OTOA: variants seen among roughly 807,000 people sequenced by gnomAD.
The protein encoded by OTOA is otoancorin, also known as cancer/testis antigen 108.
OTOA carries 70 observed loss-of-function variants against 110.8 expected under a neutral mutation model. The observed-to-expected ratio is 0.63, with a 90% confidence interval of 0.52 to 0.77. OTOA has a LOEUF of 0.77. OTOA is among the 30% of genes least tolerant of loss of function. OTOA has a pLI of 0.00. For synonymous variants in OTOA, 373 were observed against 431.5 expected, an observed-to-expected ratio of 0.86 and a Z score of 1.68; for missense variants, 917 against 1,075.8, an observed-to-expected ratio of 0.85 and a Z score of 2.06.
At chr16:21,681,701 G>A in intron 5 of OTOA, 37 bp from the exon 6 acceptor site, 1 of 1,560,246 alleles carries the variant, frequency 6.4e-7, no homozygotes, top group Non-Finnish European at 8.8e-7. Context: ...AGGAGAATCT[G>A]TCATTGTGAT....
At chr16:21,717,594 G>C (rs530150337) in intron 15 of OTOA, among the ~76,000 whole-genome samples, 2 of 152,248 alleles carry the variant, frequency 1.3e-5, no homozygotes, top group Admixed American at 1.3e-4. Flanking sequence ...ATGCCACCTG[G>C]GCTGTGTACT....
intron 6 of OTOA, among the ~76,000 whole-genome samples, chr16:21,684,985 C>A (rs536525929): frequency 6.6e-6 from 1 of 151,956 alleles, no homozygotes; most frequent in East Asian, 1.9e-4. Flanking sequence ...CTCTTCACCT[C>A]GTGATCCACC....
chr16:21,735,960 G>A lies in OTOA; in HGVS notation c.2302-301G>A, dbSNP rs553612389. On this transcript the variant is annotated intron_variant, in intron 21 of 28. Transcript: ENST00000646100. ...ATAGTGCACAGTTTGACAGTCCCAC[G>A]GAAAAATGAATGTGCCCAGCATTAA... 3.3e-5 allele frequency among the ~76,000 whole-genome samples: 5 copies of A among 152,196 alleles called. 1 individual carries two copies. The South Asian group carries it at 8.3e-4, about 25-fold the overall frequency.
Position 21,726,884 on chromosome 16 carries a change from G to A in OTOA, c.2016+226G>A, listed in dbSNP as rs182738421. Among the ~76,000 whole-genome samples, 16 of 152,234 alleles carry A rather than the reference G, an allele frequency of 1.1e-4. No homozygotes were observed. In the East Asian group the frequency reaches 3.1e-3, roughly 29 times the overall value. ...GGAGGGGAGGCTACTCTGGAGGAAT[G>A]GAAAGAGCACAGTACCCAGAGACTG... On this transcript the variant is annotated intron_variant, in intron 19 of 28. Transcript: ENST00000646100.
At chr16:21,734,858 G>A (rs1286253166) in intron 21 of OTOA, among the ~76,000 whole-genome samples, 1 of 151,798 alleles carries the variant, frequency 6.6e-6, no homozygotes, top group Admixed American at 6.6e-5. Flanking sequence ...AACAAACACT[G>A]CCAGGCACAG....
intron 1 of OTOA, 40 bp from the exon 2 acceptor site, chr16:21,678,470 TA>T: frequency 2.5e-6 from 3 of 1,184,024 alleles, no homozygotes; most frequent in East Asian, 2.6e-5. Flanking sequence ...ATATATATAT[TA>T]AAAAAACATG....
chr16:21,686,252 C>G (rs1897709015), intron 7 of OTOA, among the ~76,000 whole-genome samples: 1 of 150,924 alleles, frequency 6.6e-6, no homozygotes, highest in African/African-American at 2.4e-5. Context: ...TTGCTCCAAG[C>G]TTGGCACAGT....
intron 20 of OTOA, among the ~76,000 whole-genome samples, chr16:21,728,817 GA>G (rs1899015616): frequency 6.6e-6 from 1 of 151,972 alleles, no homozygotes; most frequent in Non-Finnish European, 1.5e-5. Context: ...TTGATCTCCT[GA>G]CCTCGTAATC....
intron 12 of OTOA, among the ~76,000 whole-genome samples, chr16:21,707,581 C>A (rs191904860): frequency 7.3e-6 from 1 of 136,668 alleles, no homozygotes; most frequent in East Asian, 2.5e-4. Flanking sequence ...TCCCTACCTT[C>A]CTTCTCCTTC....
At position 21,679,085 on chromosome 16, in the gene OTOA, C is replaced by T. The variant is rs1597806030; in HGVS notation, c.151+19C>T. 6.2e-7 allele frequency: 1 copy of T among 1,613,768 alleles called. No individual in the cohort carries two copies. Among genetic ancestry groups the T allele is most frequent in the Non-Finnish European group, 8.5e-7 (1 of 1,179,738 alleles). ...CTGAATGGTAATGTGCCCCCTTGAT[C>T]TCCACTTGCTTCTTCTAAGAATTTC... On this transcript the variant is annotated intron_variant, in intron 4 of 28. Coordinates refer to ENST00000646100, the MANE Select transcript of OTOA (RefSeq NM_144672.4).
At chr16:21,752,196 C>A in intron 25 of OTOA, 119 bp downstream of exon 25, 1 of 340,098 alleles carries the variant, frequency 2.9e-6, no homozygotes, top group South Asian at 2.5e-5. Context: ...ACACTTGGCA[C>A]CTTTCTGGGC....
At chr16:21,718,073 C>T in intron 15 of OTOA, among the ~76,000 whole-genome samples, 1 of 152,126 alleles carries the variant, frequency 6.6e-6, no homozygotes, top group South Asian at 2.1e-4. Flanking sequence ...CCTCATGGCT[C>T]CACCTCCTGA....
chr16:21,695,889 A>ATTTTTTTTTTTTTTTTT (rs1213474615), intron 9 of OTOA, among the ~76,000 whole-genome samples: 1 of 63,654 alleles, frequency 1.6e-5, no homozygotes, highest in Non-Finnish European at 2.6e-5. Context: ...ATATATATAT[A>ATTTTTTTTTTTTTTTTT]TATTTTTTTT....
chr16:21,725,674 G>A (rs751930889), intron 18 of OTOA, among the ~76,000 whole-genome samples: 6 of 152,128 alleles, frequency 3.9e-5, no homozygotes, highest in Non-Finnish European at 8.8e-5. Flanking sequence ...GCATAGAGGC[G>A]GAAGAACATG....
At chr16:21,666,243 A>ATTTTTTT (rs61085785) in intron 1 of OTOA, among the ~76,000 whole-genome samples, 2,240 of 128,740 alleles carry the variant, frequency 0.017, 36 homozygotes, top group African/African-American at 0.032. Flanking sequence ...ATGAAATGGC[A>ATTTTTTT]TTTTTTTTTT....
intron 7 of OTOA, among the ~76,000 whole-genome samples, chr16:21,687,144 G>GGT (rs772554026): frequency 7.2e-5 from 11 of 152,200 alleles, no homozygotes; most frequent in Admixed American, 2.0e-4. Context: ...ACCAGAAAAA[G>GGT]GAAAGATGCA....
intron 22 of OTOA, among the ~76,000 whole-genome samples, chr16:21,737,811 C>G (rs1294219888): frequency 2.6e-5 from 4 of 152,398 alleles, no homozygotes; most frequent in Admixed American, 1.3e-4. Flanking sequence ...AGCTACCATG[C>G]CTGTCCAAGT....
chr16:21,722,926 T>C lies in OTOA; in HGVS notation c.1828T>C (p.Tyr610His). The C allele has an allele frequency of 6.2e-7, 1 of 1,614,182 alleles. No individual in the cohort carries two copies. The highest frequency in any genetic ancestry group is 1.6e-4 in the Middle Eastern group (1 of 6,062). ...TCAGGTTAATTGTTTGGCGTGGAAA[T>C]ACTGGGAAGTTTCCAGATTGTCTAT... is the stretch of plus-strand genomic sequence containing the variant. Reference protein sequence around the residue: ...PYQVNCLAWKYWEVSRLSMPP... With the variant: ...PYQVNCLAWKHWEVSRLSMPP... The change falls in exon 18 of 29, where the codon TAC becomes CAC. Residue 610 changes from tyrosine (Y) to histidine (H), a missense_variant. Around this residue, in one of 6 missense-constraint regions of OTOA, gnomAD observed 840 missense variants for 910.2 expected, o/e 0.92. Coordinates refer to ENST00000646100, the MANE Select transcript of OTOA (RefSeq NM_144672.4).
chr16:21,726,822 T>C (rs1412800189), intron 19 of OTOA, among the ~76,000 whole-genome samples, 164 bp downstream of exon 19: 1 of 152,034 alleles, frequency 6.6e-6, no homozygotes, highest in Non-Finnish European at 1.5e-5. Context: ...AACAATCTTT[T>C]CCATTGGTTC....
Sources: gnomAD v4.1 joint callset for allele counts (sites outside exome capture counted in the v4.1 genomes callset) on GRCh38, gnomAD v4.1.1 for gene constraint, gnomAD v4.1.1 regional missense constraint, MANE v1.5 for transcripts, NCBI Gene and HGNC (gene_info 2026-07-23, HGNC 2026-07-21) for gene names.